The following TBXAS1 variants were observed in gnomAD, a reference collection of about 807,000 sequenced individuals.
TBXAS1 encodes the protein thromboxane-A synthase.
A neutral mutation model predicts 60.7 loss-of-function variants in TBXAS1; 48 were observed. The ratio of observed to expected loss-of-function variants is 0.79; its 90% CI spans 0.63 to 1.01. The LOEUF (loss-of-function observed/expected upper bound fraction) is 1.01. TBXAS1 is among the 50% of genes least tolerant of loss of function. TBXAS1 has a pLI of 0.00. For missense variants in TBXAS1, 685 were observed against 686.3 expected (o/e 1.00, Z 0.02); for synonymous variants, 287 against 269.7 (o/e 1.06, Z -0.63).
At chr7:139,915,785 T>G (rs1334306891) in intron 4 of TBXAS1, among the ~76,000 whole-genome samples, 1 of 152,234 alleles carries the variant, frequency 6.6e-6, no homozygotes, top group South Asian at 2.1e-4. Flanking sequence ...AAATATTCTT[T>G]TCCAAACTCC....
rs759990513 is a variant in TBXAS1 at position 139,962,245 on chromosome 7, T to C, written c.1134+12T>C. 8 of 1,613,856 alleles carry C rather than the reference T, an allele frequency of 5.0e-6. No individual in the cohort carries two copies. Among genetic ancestry groups the C allele is most frequent in the Non-Finnish European group, 5.9e-6 (7 of 1,180,018 alleles). On this transcript the variant is annotated intron_variant, in intron 9 of 12. Coordinates refer to ENST00000448866, the MANE Select transcript of TBXAS1 (RefSeq NM_001061.7). ...TTAAGGAGAAACACGTGAGTACAAG[T>C]TGGATCCAGTTACCCATGGGATATC...
chr7:139,903,835 G>A (rs1804767087), intron 3 of TBXAS1, among the ~76,000 whole-genome samples: 3 of 151,828 alleles, frequency 2.0e-5, no homozygotes, highest in African/African-American at 7.3e-5. Context: ...TGAGTTCATT[G>A]TAGATTCTGG....
intron 9 of TBXAS1, among the ~76,000 whole-genome samples, chr7:139,998,272 G>T (rs962293787): frequency 6.6e-6 from 1 of 152,222 alleles, no homozygotes; most frequent in Non-Finnish European, 1.5e-5. Context: ...TTCTGTCTTG[G>T]TCTAAGTGCT....
upstream of TBXAS1, chr7:139,829,049 A>G: frequency 2.5e-6 from 1 of 403,714 alleles, no homozygotes; most frequent in Non-Finnish European, 4.7e-6. Flanking sequence ...CTCTCAGAGT[A>G]CAAGTCCGTG....
chr7:139,789,240 C>T (rs949811820), intron 4 of TBXAS1: 2 of 151,138 alleles, frequency 1.3e-5, no homozygotes, highest in Non-Finnish European at 3.0e-5. Context: ...CTCTCTCTCT[C>T]TTTCTTTCTC....
intron 9 of TBXAS1, 103 bp from the exon 10 acceptor site, chr7:140,006,988 G>C (rs547493493): frequency 8.6e-7 from 1 of 1,158,302 alleles, no homozygotes; most frequent in Admixed American, 1.7e-5. Context: ...CTGTTTAAAT[G>C]TTTGCCAAAG....
At chr7:139,960,051 G>T (rs1471609187) in intron 8 of TBXAS1, among the ~76,000 whole-genome samples, 1 of 152,162 alleles carries the variant, frequency 6.6e-6, no homozygotes, top group Non-Finnish European at 1.5e-5. Flanking sequence ...GGCCAGGGTG[G>T]AATGAAGCCA....
At chr7:139,873,863 A>C (rs1488978589) in intron 2 of TBXAS1, among the ~76,000 whole-genome samples, 3 of 152,130 alleles carry the variant, frequency 2.0e-5, no homozygotes, top group Non-Finnish European at 4.4e-5. Flanking sequence ...CATGGGAAGA[A>C]CCACCAAGCC....
At chr7:139,911,189 T>C in intron 3 of TBXAS1, 36 bp from the exon 4 acceptor site, 2 of 1,577,078 alleles carry the variant, frequency 1.3e-6, no homozygotes, top group Non-Finnish European at 1.7e-6. Context: ...AAATGGGTAA[T>C]GCAACACATT....
At chr7:140,008,774 G>T (rs1215872441) in intron 10 of TBXAS1, among the ~76,000 whole-genome samples, 1 of 152,188 alleles carries the variant, frequency 6.6e-6, no homozygotes, top group East Asian at 1.9e-4. Flanking sequence ...TTGATATCCA[G>T]CTTTCTTCCA....
At chr7:139,839,578 C>G (rs1341173477) in intron 1 of TBXAS1, among the ~76,000 whole-genome samples, 1 of 151,708 alleles carries the variant, frequency 6.6e-6, no homozygotes, top group Non-Finnish European at 1.5e-5. Flanking sequence ...GTGGCTTATG[C>G]CCAAAATCCC....
chr7:139,933,152 T>C (rs1807467889), intron 4 of TBXAS1, among the ~76,000 whole-genome samples: 1 of 152,182 alleles, frequency 6.6e-6, no homozygotes, highest in East Asian at 1.9e-4. Context: ...CTAATGGAAT[T>C]TCCAGGCCCA....
intron 3 of TBXAS1, among the ~76,000 whole-genome samples, chr7:139,901,087 A>G (rs986002969): frequency 6.6e-6 from 1 of 152,198 alleles, no homozygotes; most frequent in Non-Finnish European, 1.5e-5. Flanking sequence ...GCCATCCCAG[A>G]CACCCAAAAC....
At chr7:139,823,774 C>T (rs981839801) in intron 4 of TBXAS1, among the ~76,000 whole-genome samples, 1 of 152,128 alleles carries the variant, frequency 6.6e-6, no homozygotes, top group Non-Finnish European at 1.5e-5. Flanking sequence ...CTCAGGTGGT[C>T]GTGGGACATC....
chr7:139,889,479 T>C (rs1025092283), intron 3 of TBXAS1, among the ~76,000 whole-genome samples: 1 of 152,062 alleles, frequency 6.6e-6, no homozygotes, highest in Non-Finnish European at 1.5e-5. Flanking sequence ...AAAGACAAAA[T>C]AGTTTTATCT....
At chr7:139,901,033 G>A (rs925917183) in intron 3 of TBXAS1, among the ~76,000 whole-genome samples, 1 of 152,186 alleles carries the variant, frequency 6.6e-6, no homozygotes, top group Non-Finnish European at 1.5e-5. Context: ...CATGGAATGC[G>A]AGGGTGGTTC....
chr7:140,007,002 G>A, intron 9 of TBXAS1, 89 bp from the exon 10 acceptor site: 1 of 1,288,812 alleles, frequency 7.8e-7, no homozygotes, highest in Non-Finnish European at 1.1e-6. Flanking sequence ...GCCAAAGTTG[G>A]AAACGAGATT....
At chr7:139,868,370 T>C (rs1022176482) in intron 1 of TBXAS1, among the ~76,000 whole-genome samples, 2 of 152,214 alleles carry the variant, frequency 1.3e-5, no homozygotes, top group Admixed American at 6.5e-5. Context: ...TCATTGACCC[T>C]GTAAGACTCA....
intron 1 of TBXAS1, among the ~76,000 whole-genome samples, chr7:139,843,686 T>C (rs1799619303): frequency 1.3e-5 from 2 of 152,350 alleles, no homozygotes; most frequent in South Asian, 4.1e-4. Context: ...CTTCTTGGCT[T>C]GACTGTAAGT....
Sources: gnomAD v4.1 joint callset for allele counts (sites outside exome capture counted in the v4.1 genomes callset) on GRCh38, gnomAD v4.1.1 for gene constraint, MANE v1.5 for transcripts, NCBI Gene and HGNC (gene_info 2026-07-23, HGNC 2026-07-21) for gene names.